SOX4: variants seen among roughly 807,000 people sequenced by gnomAD.
SOX4 encodes the protein transcription factor SOX-4.
For missense variants in SOX4, 662 were observed against 694.9 expected, an observed-to-expected ratio of 0.95 and a Z score of 0.53; for synonymous variants, 465 against 348.4, an observed-to-expected ratio of 1.33 and a Z score of -3.73.
Position 21,595,985 on chromosome 6 carries a change from C to G in SOX4, c.*26C>G, listed in dbSNP as rs1561758058. 2.7e-5 allele frequency: 37 copies of G among 1,395,386 alleles called. No homozygotes were observed. The highest frequency in any genetic ancestry group is 6.3e-5 in the South Asian group (4 of 63,726). The allele number at this position is 1,395,386 out of a possible 1,614,324, so 86.4% of individuals were successfully genotyped here. A position where few individuals can be genotyped will look rare whatever the true frequency, so the allele number is the denominator to read the frequency against. ...AGGGCGCGCAGGCAGGGAGAAGGGCCGGGGGGGGTAGGAGAGGAGAAAAAA... is the reference window on the plus strand; with the variant it reads ...AGGGCGCGCAGGCAGGGAGAAGGGCGGGGGGGGGTAGGAGAGGAGAAAAAA... On this transcript the variant is annotated 3_prime_UTR_variant, in exon 1 of 1. Transcript: ENST00000244745.
chr6:21,595,498 C>G lies in SOX4; in HGVS notation c.964C>G (p.Leu322Val). ...VGAGADPSDP[L>V]GLYEEEGAGC... The stretch of plus-strand genomic sequence containing the variant: ...CGCGGGAGCCGACCCCAGCGACCCC[C>G]TGGGCCTGTACGAGGAGGAGGGCGC... Residue 322 changes from leucine to valine, a missense_variant, in exon 1 of 1, where the codon CTG (leucine) becomes GTG (valine). Leu to Val is a conservative substitution (Grantham distance 32). Transcript: ENST00000244745. The G allele has an allele frequency of 7.4e-7, 1 of 1,357,524 alleles. No homozygotes were observed. The highest frequency in any genetic ancestry group is 9.5e-7 in the Non-Finnish European group (1 of 1,055,226). 84.1% of individuals were successfully genotyped at this position (1,357,524 alleles called of 1,614,324 possible). A position where few individuals can be genotyped will look rare whatever the true frequency, so the allele number is the denominator to read the frequency against.
rs193012067 is a variant in SOX4, at chr6:21,595,767, C to G, written c.1233C>G (p.Ser411Arg). ...ACGACCTGCTCGACCTGAACCCCAG[C>G]TCAAACTTTGAGAGCATGTCCCTGG... is the stretch of plus-strand genomic sequence containing the variant. ...FEDDLLDLNP[S>R]SNFESMSLGS... The change falls in exon 1 of 1, where the codon AGC becomes AGG. Residue 411 changes from serine (S) to arginine (R), a missense_variant. Coordinates refer to ENST00000244745, the MANE Select transcript of SOX4 (RefSeq NM_003107.3). 4 of 1,613,522 alleles carry G rather than the reference C, an allele frequency of 2.5e-6. No homozygotes were observed. Among genetic ancestry groups the G allele is most frequent in the Non-Finnish European group, 3.4e-6 (4 of 1,179,968 alleles).
chr6:21,596,203 C>G lies in SOX4; in HGVS notation c.*244C>G. 2.4e-6 allele frequency: 1 copy of G among 408,576 alleles called. No individual in the cohort carries two copies. The highest frequency in any genetic ancestry group is 4.2e-6 in the Non-Finnish European group (1 of 236,280). 25.3% of individuals were successfully genotyped at this position (408,576 alleles called of 1,614,324 possible). Reference sequence around the variant, plus strand: ...GACCCACTCTGCCCAGCCGGAGGGACGCGGAGGAGGAAGAGGGTAGACAGG... The same window carrying G: ...GACCCACTCTGCCCAGCCGGAGGGAGGCGGAGGAGGAAGAGGGTAGACAGG... On this transcript the variant is annotated 3_prime_UTR_variant, in exon 1 of 1. Transcript: ENST00000244745.
In SOX4 at chr6:21,596,156, T is replaced by G; in HGVS notation, c.*197T>G. 1.2e-6 allele frequency: 1 copy of G among 807,818 alleles called. No homozygotes were observed. The highest frequency in any genetic ancestry group is 1.7e-6 in the Non-Finnish European group (1 of 572,396). 50.0% of individuals were successfully genotyped at this position (807,818 alleles called of 1,614,324 possible). On this transcript the variant is annotated 3_prime_UTR_variant, in exon 1 of 1. Coordinates refer to ENST00000244745, the MANE Select transcript of SOX4 (RefSeq NM_003107.3). ...GCGGCGTTTTGGACCCGCGCTCCCA[T>G]CCCCCACCTTCCCGGGCCGGGGACC...
rs765499528 is a variant in SOX4, at chr6:21,595,023, GGGCGGCCATGGGGGCGGCGGCGGC to G, written c.495_518del (p.His166_Gly173del). 6.1e-6 allele frequency: 9 copies of G among 1,472,830 alleles called. No individual in the cohort carries two copies. The highest frequency in any genetic ancestry group is 4.4e-5 in the African/African-American group (3 of 68,802). The allele number at this position is 1,472,830 out of a possible 1,614,324, so 91.2% of individuals were successfully genotyped here. ...GAGACAAGGTCGGTGGCAGTGGCGG[GGGCGGCCATGGGGGCGGCGGCGGC>G]GGCGGGAGCAGCAACGCGGGGGGAG... On this transcript the variant is annotated inframe_deletion, in exon 1 of 1. Coordinates refer to ENST00000244745, the MANE Select transcript of SOX4 (RefSeq NM_003107.3).
chr6:21,597,929 C>T lies in SOX4; in HGVS notation c.*1970C>T, dbSNP rs1763206232. On this transcript the variant is annotated 3_prime_UTR_variant, in exon 1 of 1. Transcript: ENST00000244745. ...TTGTAAAAAGGGGAGGAGAATTAGC[C>T]AAACACTGTAAGCTTTTAAGAAAAA... The T allele has an allele frequency of 6.0e-6, 1 of 167,078 alleles. No homozygotes were observed. Among genetic ancestry groups the T allele is most frequent in the African/African-American group, 2.4e-5 (1 of 41,436 alleles). 10.3% of individuals were successfully genotyped at this position (167,078 alleles called of 1,614,324 possible).
rs1042831160 is a variant in SOX4, at chr6:21,598,218, G to C, written c.*2259G>C. The C allele has an allele frequency of 4.2e-5, 7 of 166,984 alleles. No individual in the cohort carries two copies. Among genetic ancestry groups the C allele is most frequent in the African/African-American group, 1.7e-4 (7 of 41,444 alleles). The allele number at this position is 166,984 out of a possible 1,614,324, so 10.3% of individuals were successfully genotyped here. A position where few individuals can be genotyped will look rare whatever the true frequency, so the allele number is the denominator to read the frequency against. On this transcript the variant is annotated 3_prime_UTR_variant, in exon 1 of 1. Coordinates refer to ENST00000244745, the MANE Select transcript of SOX4 (RefSeq NM_003107.3). ...TATAATTGTTTTAGTCTTATGGCAT[G>C]ATGATAGCATATGTGTTCAGGTTTA... is the stretch of plus-strand genomic sequence containing the variant.
Position 21,598,490 on chromosome 6 carries a change from G to C in SOX4, c.*2531G>C, listed in dbSNP as rs1218149956. The C allele has an allele frequency of 6.0e-6, 1 of 166,838 alleles. No individual in the cohort carries two copies. Among genetic ancestry groups the C allele is most frequent in the East Asian group, 1.9e-4 (1 of 5,194 alleles). 10.3% of individuals were successfully genotyped at this position (166,838 alleles called of 1,614,324 possible). On this transcript the variant is annotated 3_prime_UTR_variant, in exon 1 of 1. Transcript: ENST00000244745. ...TTCAAGGCCACAAAAACAATGTTTG[G>C]GGGAAAAAAAAGAAAAAATCATGCC... is the stretch of plus-strand genomic sequence containing the variant.
rs1763179956 is a variant in SOX4 at position 21,596,960 on chromosome 6, GGAAAAAAA to G, written c.*1002_*1009del. The G allele has an allele frequency of 6.2e-6, 1 of 160,626 alleles. No homozygotes were observed. The highest frequency in any genetic ancestry group is 6.9e-5 in the Admixed American group (1 of 14,498). 10.0% of individuals were successfully genotyped at this position (160,626 alleles called of 1,614,324 possible). A position where few individuals can be genotyped will look rare whatever the true frequency, so the allele number is the denominator to read the frequency against. On this transcript the variant is annotated 3_prime_UTR_variant, in exon 1 of 1. Coordinates refer to ENST00000244745, the MANE Select transcript of SOX4 (RefSeq NM_003107.3). ...CAGTCAGTGGAGGGCGAGTGGTTTCGGAAAAAAAAAAAGAAAAAAAGAAAAAAAAAGAA... is the reference window on the plus strand; with the variant it reads ...CAGTCAGTGGAGGGCGAGTGGTTTCGAAAAGAAAAAAAGAAAAAAAAAGAA...
Position 21,594,568 on chromosome 6 carries a change from G to C in SOX4, c.34G>C (p.Glu12Gln). 2 of 1,607,828 alleles carry C rather than the reference G, an allele frequency of 1.2e-6. No homozygotes were observed. The highest frequency in any genetic ancestry group is 8.5e-7 in the Non-Finnish European group (1 of 1,178,438). Residue 12 changes from glutamate (E) to glutamine (Q), a missense_variant, in exon 1 of 1, where the codon GAA (glutamate) becomes CAA (glutamine). Coordinates refer to ENST00000244745, the MANE Select transcript of SOX4 (RefSeq NM_003107.3). ...GCAAACCAACAATGCCGAGAACACG[G>C]AAGCGCTGCTGGCCGGCGAGAGCTC... ...VQQTNNAENT[E>Q]ALLAGESSDS...
chr6:21,594,453 C>T lies in SOX4; in HGVS notation c.-82C>T. ...CTTCCCGTTCGGCGTGTGCTTGGCC[C>T]GGGGAACCGGGAGGGCCCGGCGATC... On this transcript the variant is annotated 5_prime_UTR_variant, in exon 1 of 1. Coordinates refer to ENST00000244745, the MANE Select transcript of SOX4 (RefSeq NM_003107.3). 2 of 1,339,814 alleles carry T rather than the reference C, an allele frequency of 1.5e-6. No individual in the cohort carries two copies. Among genetic ancestry groups the T allele is most frequent in the East Asian group, 3.1e-5 (1 of 32,154 alleles). 83.0% of individuals were successfully genotyped at this position (1,339,814 alleles called of 1,614,324 possible).
At position 21,595,725 on chromosome 6, in the gene SOX4, C is replaced by G. The variant is rs1763133857; in HGVS notation, c.1191C>G (p.Ser397=). The change falls in exon 1 of 1, where the codon TCC becomes TCG. Residue 397 remains serine (S), a synonymous_variant. Transcript: ENST00000244745. ...CCTCCTCCTCGGGCTCCTCGTCCTC[C>G]GACGACGAGTTCGAAGACGACCTGC... ...SSSSSSGSSS[S]DDEFEDDLLD... The G allele has an allele frequency of 6.2e-7, 1 of 1,610,868 alleles. No homozygotes were observed. Among genetic ancestry groups the G allele is most frequent in the African/African-American group, 1.3e-5 (1 of 74,912 alleles).
rs1763182846 is a variant in SOX4 at position 21,597,007 on chromosome 6, T to A, written c.*1048T>A. 1 of 166,838 alleles carries A rather than the reference T, an allele frequency of 6.0e-6. No homozygotes were observed. The highest frequency in any genetic ancestry group is 6.6e-5 in the Admixed American group (1 of 15,254). The allele number at this position is 166,838 out of a possible 1,614,324, so 10.3% of individuals were successfully genotyped here. A position where few individuals can be genotyped will look rare whatever the true frequency, so the allele number is the denominator to read the frequency against. On this transcript the variant is annotated 3_prime_UTR_variant, in exon 1 of 1. Transcript: ENST00000244745. ...AAAAAAAAAGAAAAAAAAAAGATTTTTTTCTTCTCTTAATCGGAATCGTGA... is the reference window on the plus strand; with the variant it reads ...AAAAAAAAAGAAAAAAAAAAGATTTATTTCTTCTCTTAATCGGAATCGTGA...
Position 21,596,623 on chromosome 6 carries a change from C to T in SOX4, c.*664C>T, listed in dbSNP as rs1254145606. The T allele has an allele frequency of 6.0e-6, 1 of 167,228 alleles. No homozygotes were observed. Among genetic ancestry groups the T allele is most frequent in the African/African-American group, 2.4e-5 (1 of 41,408 alleles). The allele number at this position is 167,228 out of a possible 1,614,324, so 10.4% of individuals were successfully genotyped here. A position where few individuals can be genotyped will look rare whatever the true frequency, so the allele number is the denominator to read the frequency against. ...CCCGTTTGGGGCTTTTTTTTCCTCC[C>T]TCTTTTCCCCTTGCCCCCTCTGCAG... On this transcript the variant is annotated 3_prime_UTR_variant, in exon 1 of 1. Coordinates refer to ENST00000244745, the MANE Select transcript of SOX4 (RefSeq NM_003107.3).
rs973493435 is a variant in SOX4 at position 21,598,500 on chromosome 6, A to G, written c.*2541A>G. 6.0e-6 allele frequency: 1 copy of G among 167,086 alleles called. No homozygotes were observed. Among genetic ancestry groups the G allele is most frequent in the African/African-American group, 2.4e-5 (1 of 41,454 alleles). 10.4% of individuals were successfully genotyped at this position (167,086 alleles called of 1,614,324 possible). A position where few individuals can be genotyped will look rare whatever the true frequency, so the allele number is the denominator to read the frequency against. On this transcript the variant is annotated 3_prime_UTR_variant, in exon 1 of 1. Transcript: ENST00000244745. ...CAAAAACAATGTTTGGGGGAAAAAAAAGAAAAAATCATGCCAGCTAATCAT... is the reference window on the plus strand; with the variant it reads ...CAAAAACAATGTTTGGGGGAAAAAAGAGAAAAAATCATGCCAGCTAATCAT...
rs1763092036 is a variant in SOX4, at chr6:21,594,472, G to A, written c.-63G>A. The A allele has an allele frequency of 3.0e-6, 4 of 1,351,972 alleles. No individual in the cohort carries two copies. Among genetic ancestry groups the A allele is most frequent in the Non-Finnish European group, 3.8e-6 (4 of 1,060,150 alleles). 83.7% of individuals were successfully genotyped at this position (1,351,972 alleles called of 1,614,324 possible). On this transcript the variant is annotated 5_prime_UTR_variant, in exon 1 of 1. Transcript: ENST00000244745. ...TTGGCCCGGGGAACCGGGAGGGCCC[G>A]GCGATCGCGCGGCGGCCGCCGCGAG...
chr6:21,595,446 G>T lies in SOX4; in HGVS notation c.912G>T (p.Thr304=), dbSNP rs1763119509. 3 of 1,506,246 alleles carry T rather than the reference G, an allele frequency of 2.0e-6. No individual in the cohort carries two copies. Among genetic ancestry groups the T allele is most frequent in the Non-Finnish European group, 1.8e-6 (2 of 1,133,882 alleles). 93.3% of individuals were successfully genotyped at this position (1,506,246 alleles called of 1,614,324 possible). Reference sequence around the variant, plus strand: ...TCTACCTGTTCGGCGGCCTGGGCACGTCGTCGTCGCCCGTGGGCGGCGTGG... The same window carrying T: ...TCTACCTGTTCGGCGGCCTGGGCACTTCGTCGTCGCCCGTGGGCGGCGTGG... ...KRVYLFGGLG[T]SSSPVGGVGA... Residue 304 remains threonine, a synonymous_variant, in exon 1 of 1, where the codon ACG becomes ACT. Transcript: ENST00000244745.
In SOX4 at chr6:21,598,440, G is replaced by A. The variant is rs1009484580; in HGVS notation, c.*2481G>A. 6.0e-6 allele frequency: 1 copy of A among 166,956 alleles called. No homozygotes were observed. The highest frequency in any genetic ancestry group is 1.5e-5 in the Non-Finnish European group (1 of 68,098). The allele number at this position is 166,956 out of a possible 1,614,324, so 10.3% of individuals were successfully genotyped here. A position where few individuals can be genotyped will look rare whatever the true frequency, so the allele number is the denominator to read the frequency against. On this transcript the variant is annotated 3_prime_UTR_variant, in exon 1 of 1. Transcript: ENST00000244745. ...TTTTGCCATCCATCCTGTGCAATAT[G>A]CCGTGTAGAATATTTGTCTTAAAAT...
Position 21,597,979 on chromosome 6 carries a change from C to G in SOX4, c.*2020C>G, listed in dbSNP as rs1393035269. 1 of 167,122 alleles carries G rather than the reference C, an allele frequency of 6.0e-6. No individual in the cohort carries two copies. Among genetic ancestry groups the G allele is most frequent in the Non-Finnish European group, 1.5e-5 (1 of 68,126 alleles). 10.4% of individuals were successfully genotyped at this position (167,122 alleles called of 1,614,324 possible). On this transcript the variant is annotated 3_prime_UTR_variant, in exon 1 of 1. Coordinates refer to ENST00000244745, the MANE Select transcript of SOX4 (RefSeq NM_003107.3). ...ACAAAGTTTTAAACGAAATACTGCT[C>G]TGTCCAGAGGCTTTAAAACTGGTGC...
Sources: gnomAD v4.1 joint callset for allele counts on GRCh38, gnomAD v4.1.1 for gene constraint, MANE v1.5 for transcripts, NCBI Gene and HGNC (gene_info 2026-07-23, HGNC 2026-07-21) for gene names.